Variants in DPF1 observed in about 807,000 individuals in gnomAD.
The protein encoded by DPF1 is double PHD fingers 1.
A neutral mutation model predicts 58.7 loss-of-function variants in DPF1; 14 were observed. That is an observed-to-expected ratio of 0.24 (90% CI 0.16 to 0.37). The LOEUF (loss-of-function observed/expected upper bound fraction) is 0.37, where lower values mean the gene tolerates loss of function less well. DPF1 is among the 10% of genes least tolerant of loss of function. The pLI is 1.00. For synonymous variants in DPF1, 216 were observed against 216.0 expected (o/e 1.00, Z 0.00); for missense variants, 345 against 529.9 (o/e 0.65, Z 3.43).
intron 7 of DPF1, 62 bp downstream of exon 7, chr19:38,217,380 CCCCCACCCCCACCCCCAG>C: frequency 1.5e-6 from 1 of 660,612 alleles, no homozygotes; most frequent in Non-Finnish European, 2.3e-6. Context: ...GTCTAATGCC[CCCCCACCCCCACCCCCAG>C]CTGGGCTCCT....
chr19:38,222,681 G>A lies in DPF1; in HGVS notation c.57C>T (p.Ala19=), dbSNP rs763706982. 5.0e-6 allele frequency: 8 copies of A among 1,604,122 alleles called. No homozygotes were observed. Among genetic ancestry groups the A allele is most frequent in the Non-Finnish European group, 6.0e-6 (7 of 1,176,350 alleles). Residue 19 remains alanine (A), a synonymous_variant, in exon 2 of 12, where the codon GCC becomes GCT. Coordinates refer to ENST00000355526, the MANE Select transcript of DPF1 (RefSeq NM_001135155.3). The surrounding 1 kb of genome is among the most constrained non-coding windows in gnomAD (Gnocchi z 4.9). ...LSLGEDFYRE[A]IEHCRSYNAR... ...CGTTGTAACTGCGGCAGTGCTCGAT[G>A]GCCTCGCGGTAGAAGTCCTCGCCTA...
upstream of DPF1, among the ~76,000 whole-genome samples, chr19:38,227,639 C>T (rs1967886018): frequency 6.6e-6 from 1 of 152,212 alleles, no homozygotes; most frequent in Non-Finnish European, 1.5e-5. Flanking sequence ...CAGTGTCAGT[C>T]TCTGTGCTAA....
At chr19:38,224,352 C>A (rs1600286881), upstream of DPF1, 5 of 1,202,862 alleles carry the variant, frequency 4.2e-6, no homozygotes, top group East Asian at 1.3e-4. This position sits in a 1 kb window ranked among gnomAD's most constrained non-coding sequence, Gnocchi z 4.5. Flanking sequence ...GGGGACGGGA[C>A]GGCGCGGAGG....
chr19:38,214,024 C>G (rs985461173), intron 9 of DPF1: 9 of 448,350 alleles, frequency 2.0e-5, no homozygotes, highest in Non-Finnish European at 3.7e-5. Context: ...ACCCACAGTG[C>G]TGTGCCAACC....
In DPF1 at chr19:38,224,101, C is replaced by T. The variant is rs752064035; in HGVS notation, c.29+13G>A. ...CCCGCGCTTCCTCTCCGCCTCCCGC[C>T]GGCCCGCACCACCTCAGGGGGCCAG... is the stretch of plus-strand genomic sequence containing the variant. On this transcript the variant is annotated intron_variant, in intron 1 of 11. Coordinates refer to ENST00000355526, the MANE Select transcript of DPF1 (RefSeq NM_001135155.3). This position sits in a 1 kb window ranked among gnomAD's most constrained non-coding sequence, Gnocchi z 4.5. 3.3e-6 allele frequency: 5 copies of T among 1,502,320 alleles called. No individual in the cohort carries two copies. Among genetic ancestry groups the T allele is most frequent in the Non-Finnish European group, 3.5e-6 (4 of 1,137,064 alleles). 93.1% of individuals were successfully genotyped at this position (1,502,320 alleles called of 1,614,324 possible).
Position 38,211,991 on chromosome 19 carries a change from G to C in DPF1, c.*72C>G, listed in dbSNP as rs942305744. ...CCTCCCCCTGCGGGATGTTCAGGGTGGGGGAGAATTGAGGAGCTCGGAGAG... is the reference window on the plus strand; with the variant it reads ...CCTCCCCCTGCGGGATGTTCAGGGTCGGGGAGAATTGAGGAGCTCGGAGAG... On this transcript the variant is annotated 3_prime_UTR_variant, in exon 12 of 12. Transcript: ENST00000355526. This position sits in a 1 kb window ranked among gnomAD's most constrained non-coding sequence, Gnocchi z 4.0. 6.2e-5 allele frequency: 95 copies of C among 1,530,236 alleles called. No individual in the cohort carries two copies. Among genetic ancestry groups the C allele is most frequent in the South Asian group, 1.3e-4 (11 of 84,898 alleles). The allele number at this position is 1,530,236 out of a possible 1,614,324, so 94.8% of individuals were successfully genotyped here. A position where few individuals can be genotyped will look rare whatever the true frequency, so the allele number is the denominator to read the frequency against.
In DPF1 at chr19:38,229,318, C is replaced by A. The variant is rs568225716; in HGVS notation, c.-132+241G>T. Among the ~76,000 whole-genome samples, 2 of 152,128 alleles carry A rather than the reference C, an allele frequency of 1.3e-5. No homozygotes were observed. The highest frequency in any genetic ancestry group is 3.9e-4 in the East Asian group (2 of 5,124). On this transcript the variant is annotated intron_variant, in intron 1 of 11. Coordinates refer to the DPF1 transcript ENST00000412732. This position sits in a 1 kb window ranked among gnomAD's most constrained non-coding sequence, Gnocchi z 5.3. The stretch of plus-strand genomic sequence containing the variant: ...AACGGCCTCCGCCACCCCCAGCCCG[C>A]GCCGCATTCCTTCACTGACAGCGAC...
At chr19:38,218,833 C>A in intron 4 of DPF1, 98 bp downstream of exon 4, 1 of 1,574,058 alleles carries the variant, frequency 6.4e-7, no homozygotes. Flanking sequence ...CCAGAAGAAA[C>A]CGGGGGGGTT....
intron 10 of DPF1, among the ~76,000 whole-genome samples, chr19:38,213,076 C>T (rs980107689): frequency 3.3e-5 from 5 of 151,768 alleles, no homozygotes; most frequent in South Asian, 2.1e-4. Context: ...CAATCTCCAC[C>T]TCCTGGGCTC....
chr19:38,222,563 T>C lies in DPF1; in HGVS notation c.175A>G (p.Thr59Ala), dbSNP rs1377997730. ...CCGGCGGTACCCGGCCCGCGGTGGG[T>C]CTTCTCCATCCAGATGTAGCAGTTG... ...QNNCYIWMEK[T>A]HRGPGLAPGQ... The change falls in exon 2 of 12, where the codon ACC becomes GCC. Residue 59 changes from threonine to alanine, a missense_variant. Transcript: ENST00000355526. This position sits in a 1 kb window ranked among gnomAD's most constrained non-coding sequence, Gnocchi z 4.9. 1.2e-6 allele frequency: 2 copies of C among 1,609,524 alleles called. No homozygotes were observed. The highest frequency in any genetic ancestry group is 2.2e-5 in the East Asian group (1 of 44,574).
intron 7 of DPF1, 128 bp downstream of exon 7, chr19:38,217,332 G>C (rs554373169): frequency 1.2e-5 from 16 of 1,300,956 alleles, no homozygotes; most frequent in Middle Eastern, 2.7e-4. Context: ...ATGGTCGGTG[G>C]GGGGAGGGAA....
At chr19:38,227,573 G>T (rs560960974), upstream of DPF1, among the ~76,000 whole-genome samples, 1 of 152,104 alleles carries the variant, frequency 6.6e-6, no homozygotes, top group Non-Finnish European at 1.5e-5. Flanking sequence ...GCCCACAGTA[G>T]AAATCAATTT....
Position 38,222,018 on chromosome 19 carries a change from C to T in DPF1, c.298+339G>A, listed in dbSNP as rs568285337. ...GCTTGAACCTGCTAGGCGGAAGTTG[C>T]GGGTTCAAGGTTCAACTCCCCGCTA... On this transcript the variant is annotated intron_variant, in intron 3 of 11. Transcript: ENST00000355526. The surrounding 1 kb of genome is among the most constrained non-coding windows in gnomAD (Gnocchi z 4.9). Among the ~76,000 whole-genome samples, 18 of 152,130 alleles carry T rather than the reference C, an allele frequency of 1.2e-4. No homozygotes were observed. The highest frequency in any genetic ancestry group is 4.3e-4 in the African/African-American group (18 of 41,492).
upstream of DPF1, among the ~76,000 whole-genome samples, chr19:38,226,700 C>T (rs1259774133): frequency 6.6e-6 from 1 of 152,078 alleles, no homozygotes; most frequent in East Asian, 1.9e-4. Flanking sequence ...TACGATCACT[C>T]TGGCCTCCAG....
chr19:38,217,438 C>G, intron 7 of DPF1, 22 bp downstream of exon 7: 14 of 1,548,886 alleles, frequency 9.0e-6, no homozygotes, highest in Non-Finnish European at 1.2e-5. Flanking sequence ...CCTGGCCACC[C>G]CCACCTGGCC....
chr19:38,226,993 TCTTCCTTCCTTCCTTCCTTC>T (rs71179424), upstream of DPF1, among the ~76,000 whole-genome samples: 1 of 71,714 alleles, frequency 1.4e-5, no homozygotes, highest in Non-Finnish European at 2.7e-5. Context: ...CTTTTATTTC[TCTTCCTTCCTTCCTTCCTTC>T]CTTCCTTCCT....
intron 9 of DPF1, among the ~76,000 whole-genome samples, chr19:38,214,179 C>T (rs1044732096): frequency 3.3e-5 from 5 of 152,216 alleles, no homozygotes; most frequent in African/African-American, 9.7e-5. Context: ...GCCACAATGC[C>T]ATGGCAACCA....
intron 3 of DPF1, 79 bp from the exon 4 acceptor site, chr19:38,219,137 A>G: frequency 6.4e-7 from 1 of 1,573,202 alleles, no homozygotes; most frequent in Non-Finnish European, 8.6e-7. Flanking sequence ...TGGGGGGACC[A>G]TGCTCTTTGC....
At chr19:38,219,096 T>G in intron 3 of DPF1, 38 bp from the exon 4 acceptor site, 1 of 1,610,412 alleles carries the variant, frequency 6.2e-7, no homozygotes, top group Non-Finnish European at 8.5e-7. Context: ...ATGGGGAAGT[T>G]GACCCCGGAG....
Sources: gnomAD v4.1 joint callset for allele counts (sites outside exome capture counted in the v4.1 genomes callset) on GRCh38, gnomAD v4.1.1 for gene constraint, Gnocchi (gnomAD v3.1) non-coding constraint, MANE v1.5 for transcripts, NCBI Gene and HGNC (gene_info 2026-07-23, HGNC 2026-07-21) for gene names.